The following ANKRD13C variants were observed in gnomAD, a reference collection of about 807,000 sequenced individuals.
ANKRD13C encodes the protein ankyrin repeat domain-containing protein 13C.
Under a neutral mutation model 65.5 loss-of-function variants are expected in ANKRD13C, and 16 were observed. The observed-to-expected ratio is 0.24, with a 90% confidence interval of 0.17 to 0.37. The LOEUF (loss-of-function observed/expected upper bound fraction) is 0.37, where lower values mean the gene tolerates loss of function less well. ANKRD13C is among the 10% of genes least tolerant of loss of function. The pLI is 1.00. For missense variants in ANKRD13C, 503 were observed against 655.9 expected (o/e 0.77, Z 2.55); for synonymous variants, 235 against 238.7 (o/e 0.98, Z 0.14).
intron 2 of ANKRD13C, among the ~76,000 whole-genome samples, chr1:70,325,806 G>C (rs531602195): frequency 1.3e-5 from 2 of 152,260 alleles, no homozygotes; most frequent in South Asian, 4.1e-4. Context: ...TTGAACCCGG[G>C]AGGCAGAGGC....
chr1:70,331,241 A>G (rs1034819641), intron 2 of ANKRD13C, among the ~76,000 whole-genome samples: 3 of 152,172 alleles, frequency 2.0e-5, no homozygotes, highest in Admixed American at 1.3e-4. Context: ...AGGCTGAACA[A>G]TGATATAATG....
intron 9 of ANKRD13C, among the ~76,000 whole-genome samples, chr1:70,287,682 T>C (rs1679682023): frequency 6.6e-6 from 1 of 152,036 alleles, no homozygotes; most frequent in Non-Finnish European, 1.5e-5. Context: ...GCAAAACACC[T>C]ATCTGATGAA....
intron 2 of ANKRD13C, among the ~76,000 whole-genome samples, chr1:70,329,434 T>C (rs1351805377): frequency 6.6e-6 from 1 of 151,500 alleles, no homozygotes; most frequent in Non-Finnish European, 1.5e-5. Flanking sequence ...GGCAGGAGAA[T>C]CACTTGAACC....
chr1:70,313,358 A>G (rs560205340), intron 5 of ANKRD13C, among the ~76,000 whole-genome samples: 1 of 151,912 alleles, frequency 6.6e-6, no homozygotes, highest in Non-Finnish European at 1.5e-5. Context: ...GTGAGATTCC[A>G]TCTCTACAAA....
intron 8 of ANKRD13C, 82 bp downstream of exon 8, chr1:70,296,048 T>C (rs966943929): frequency 5.3e-6 from 8 of 1,504,108 alleles, no homozygotes; most frequent in African/African-American, 1.4e-5. Flanking sequence ...TGTAAGCTAC[T>C]TCTTGCATTT....
rs1181468385 is a variant in ANKRD13C at position 70,348,494 on chromosome 1, C to T, written c.430+5485G>A. ...GTTAGCCAGGCTGGTCTTGAACTCC[C>T]GACCTCAGGTGATCCACCCGCCTTG... On this transcript the variant is annotated intron_variant, in intron 1 of 12. Transcript: ENST00000370944. Among the ~76,000 whole-genome samples the T allele has an allele frequency of 2.6e-5, 4 of 152,082 alleles. No homozygotes were observed. The East Asian group carries it at 5.8e-4, about 22-fold the overall frequency.
chr1:70,313,174 T>C (rs75165188), intron 5 of ANKRD13C, among the ~76,000 whole-genome samples: 1,546 of 152,282 alleles, frequency 0.01, 27 homozygotes, highest in African/African-American at 0.036. Flanking sequence ...ATTATTAAAT[T>C]TTAAATGCTG....
intron 3 of ANKRD13C, among the ~76,000 whole-genome samples, chr1:70,321,550 CTG>C (rs1681309805): frequency 6.6e-6 from 1 of 152,134 alleles, no homozygotes; most frequent in Non-Finnish European, 1.5e-5. Flanking sequence ...TCTGCACAAA[CTG>C]TGAACAACTT....
rs1429561178 is a variant in ANKRD13C at position 70,260,274 on chromosome 1, G to A, written c.*2443C>T. Among the ~76,000 whole-genome samples, 1 of 152,070 alleles carries A rather than the reference G, an allele frequency of 6.6e-6. No individual in the cohort carries two copies. The highest frequency in any genetic ancestry group is 2.4e-5 in the African/African-American group (1 of 41,420). ...CTCTGTATGTGAATATCTACAGAGG[G>A]CAAATTGTCTCATCAGAGAATTATT... On this transcript the variant is annotated 3_prime_UTR_variant, in exon 13 of 13. Coordinates refer to ENST00000370944, the MANE Select transcript of ANKRD13C (RefSeq NM_030816.5).
In ANKRD13C at chr1:70,292,410, T is replaced by C; in HGVS notation, c.1193A>G (p.Asn398Ser). The change falls in exon 9 of 13, where the codon AAC becomes AGC. Residue 398 changes from asparagine (N) to serine (S), a missense_variant. Transcript: ENST00000370944. ...TACCTCAAAATTCTGTTCCATTATG[T>C]TTCCACCTTTACTCAAACTCTCCAT... ...AIMESLSKGG[N>S]IMEQNFEPIR... is the part of the protein sequence containing the mutation. 6.3e-7 allele frequency: 1 copy of C among 1,591,960 alleles called. No homozygotes were observed. The highest frequency in any genetic ancestry group is 1.2e-5 in the South Asian group (1 of 86,096).
intron 7 of ANKRD13C, among the ~76,000 whole-genome samples, chr1:70,299,580 A>C (rs1445799452): frequency 1.3e-5 from 2 of 152,248 alleles, no homozygotes; most frequent in African/African-American, 2.4e-5. Flanking sequence ...ATAATGAGAC[A>C]TTAAGGAGAA....
At chr1:70,263,240 C>T (rs570123331) in intron 12 of ANKRD13C, among the ~76,000 whole-genome samples, 90 of 152,214 alleles carry the variant, frequency 5.9e-4, no homozygotes, top group Admixed American at 2.0e-3. Context: ...ACTCTTTGAG[C>T]TGATTTATTT....
intron 5 of ANKRD13C, among the ~76,000 whole-genome samples, chr1:70,307,246 C>T (rs1044791371): frequency 2.2e-4 from 33 of 152,086 alleles, no homozygotes; most frequent in Admixed American, 5.9e-4. Context: ...AAGATAAATA[C>T]CTAATGCAGG....
At chr1:70,310,429 T>C (rs559156295) in intron 5 of ANKRD13C, among the ~76,000 whole-genome samples, 3 of 152,334 alleles carry the variant, frequency 2.0e-5, no homozygotes, top group East Asian at 1.9e-4. Context: ...GTATTAATAG[T>C]TGTGATGTTA....
At position 70,262,943 on chromosome 1, in the gene ANKRD13C, T is replaced by TAAAAAAAAAAAAAAAAAA. The variant is rs34241203; in HGVS notation, c.1496-97_1496-96insTTTTTTTTTTTTTTTTTT. 38 of 460,508 alleles carry TAAAAAAAAAAAAAAAAAA rather than the reference T, an allele frequency of 8.3e-5. 1 individual carries two copies. Among genetic ancestry groups the TAAAAAAAAAAAAAAAAAA allele is most frequent in the African/African-American group, 7.6e-4 (31 of 40,694 alleles). 28.5% of individuals were successfully genotyped at this position (460,508 alleles called of 1,614,324 possible). A position where few individuals can be genotyped will look rare whatever the true frequency, so the allele number is the denominator to read the frequency against. ...GGAGATGTCCATACTCCTTAAAATG[T>TAAAAAAAAAAAAAAAAAA]AAAAAAAAAAAAAAAAATACTCAAG... On this transcript the variant is annotated intron_variant, in intron 12 of 12. Transcript: ENST00000370944.
In ANKRD13C at chr1:70,261,933, C is replaced by T. The variant is rs1678404295; in HGVS notation, c.*784G>A. ...AACCATTACCTTATGATGACCATAACAAGGACTCAAACTCAAGTTTAGAAA... is the reference window on the plus strand; with the variant it reads ...AACCATTACCTTATGATGACCATAATAAGGACTCAAACTCAAGTTTAGAAA... On this transcript the variant is annotated 3_prime_UTR_variant, in exon 13 of 13. Coordinates refer to ENST00000370944, the MANE Select transcript of ANKRD13C (RefSeq NM_030816.5). The T allele has an allele frequency of 6.8e-6, 1 of 148,052 alleles. No individual in the cohort carries two copies. Among genetic ancestry groups the T allele is most frequent in the Non-Finnish European group, 1.5e-5 (1 of 66,926 alleles). The allele number at this position is 148,052 out of a possible 1,614,324, so 9.2% of individuals were successfully genotyped here. A position where few individuals can be genotyped will look rare whatever the true frequency, so the allele number is the denominator to read the frequency against.
chr1:70,347,651 GT>G (rs1682588187), intron 1 of ANKRD13C, among the ~76,000 whole-genome samples: 1 of 152,170 alleles, frequency 6.6e-6, no homozygotes. Context: ...AGTGGGTGAA[GT>G]TCTATAGTAC....
chr1:70,335,672 G>C (rs981422586), intron 2 of ANKRD13C, among the ~76,000 whole-genome samples: 4 of 149,154 alleles, frequency 2.7e-5, no homozygotes, highest in African/African-American at 9.8e-5. Context: ...ATCTACCAAA[G>C]GCTCAACTTA....
chr1:70,334,596 T>G (rs1360830980), intron 2 of ANKRD13C, among the ~76,000 whole-genome samples: 1 of 152,002 alleles, frequency 6.6e-6, no homozygotes, highest in Admixed American at 6.6e-5. Context: ...ATCATTGCAC[T>G]CCACCCTGGG....
Sources: allele counts gnomAD v4.1 joint callset (sites outside exome capture counted in the v4.1 genomes callset), GRCh38; gene constraint gnomAD v4.1.1; transcripts MANE v1.5; gene names NCBI Gene and HGNC (gene_info 2026-07-23, HGNC 2026-07-21).